Variants in STAU2 observed in about 807,000 individuals in gnomAD.
The protein encoded by STAU2 is staufen double-stranded RNA binding protein 2, also known as double-stranded RNA-binding protein Staufen homolog 2.
Under a neutral mutation model 65.9 loss-of-function variants are expected in STAU2, and 20 were observed. The ratio of observed to expected loss-of-function variants is 0.30; its 90% CI spans 0.21 to 0.44. The LOEUF (loss-of-function observed/expected upper bound fraction) is 0.44, where lower values mean the gene tolerates loss of function less well. Among genes scored for constraint, STAU2 ranks in the 20% least tolerant of loss-of-function variants. The pLI is 1.00. For synonymous variants in STAU2, 232 were observed against 233.9 expected (o/e 0.99, Z 0.07); for missense variants, 558 against 683.9 (o/e 0.82, Z 2.05).
At chr8:73,439,238 C>T (rs537885161) in intron 13 of STAU2, 63 of 351,574 alleles carry the variant, frequency 1.8e-4, no homozygotes, top group South Asian at 1.3e-3. Flanking sequence ...AGGAGCTGCT[C>T]CAGCACCCGC....
chr8:73,582,101 G>A (rs903803380), intron 12 of STAU2, among the ~76,000 whole-genome samples: 3 of 151,992 alleles, frequency 2.0e-5, no homozygotes, highest in East Asian at 3.8e-4. Context: ...ATGTCTAAAC[G>A]TCCAATGTAA....
At chr8:73,744,263 A>G (rs972300259) in intron 1 of STAU2, among the ~76,000 whole-genome samples, 1 of 152,164 alleles carries the variant, frequency 6.6e-6, no homozygotes, top group Non-Finnish European at 1.5e-5. Context: ...TACTGATTCT[A>G]GACATCTAGT....
At chr8:73,616,784 C>T (rs1045646928) in intron 7 of STAU2, among the ~76,000 whole-genome samples, 3 of 147,952 alleles carry the variant, frequency 2.0e-5, no homozygotes, top group Non-Finnish European at 3.0e-5. Context: ...GGCAACAGAG[C>T]GAGGCTCCAT....
chr8:73,559,696 G>A (rs1236351994), intron 12 of STAU2, among the ~76,000 whole-genome samples: 1 of 152,184 alleles, frequency 6.6e-6, no homozygotes, highest in Non-Finnish European at 1.5e-5. Flanking sequence ...TTAGCTACTA[G>A]ACTGATGTGA....
intron 12 of STAU2, among the ~76,000 whole-genome samples, chr8:73,575,139 AAAAAG>A (rs1431810071): frequency 6.6e-6 from 1 of 151,610 alleles, no homozygotes; most frequent in Admixed American, 6.6e-5. Context: ...AAAAAAAAAA[AAAAAG>A]AGAGAAAAAG....
chr8:73,679,587 A>C (rs1051469756), intron 5 of STAU2, among the ~76,000 whole-genome samples: 22 of 152,174 alleles, frequency 1.4e-4, no homozygotes, highest in African/African-American at 5.3e-4. Context: ...GAAATATAAA[A>C]GTAGAAGAAG....
chr8:73,686,985 C>T (rs1818886697), intron 5 of STAU2, among the ~76,000 whole-genome samples: 1 of 149,630 alleles, frequency 6.7e-6, no homozygotes, highest in African/African-American at 2.5e-5. Context: ...CTCCGCCTGC[C>T]AGGTTCAAGC....
At chr8:73,740,361 TATTA>T (rs996386723) in intron 1 of STAU2, among the ~76,000 whole-genome samples, 8 of 152,246 alleles carry the variant, frequency 5.3e-5, no homozygotes, top group Non-Finnish European at 1.0e-4. Flanking sequence ...GTGCTTTAGG[TATTA>T]ATTAATATTT....
chr8:73,452,388 C>T (rs907182785), intron 13 of STAU2, among the ~76,000 whole-genome samples: 4 of 152,204 alleles, frequency 2.6e-5, no homozygotes, highest in African/African-American at 9.6e-5. Flanking sequence ...CCACCCAGTG[C>T]TGGAGAAGCC....
At chr8:73,654,382 T>C (rs982493510) in intron 6 of STAU2, among the ~76,000 whole-genome samples, 2 of 152,016 alleles carry the variant, frequency 1.3e-5, no homozygotes, top group Non-Finnish European at 2.9e-5. Context: ...CCAGGCACAC[T>C]GGCTGACCCC....
chr8:73,444,839 T>C (rs1282534631), intron 13 of STAU2, among the ~76,000 whole-genome samples: 1 of 152,198 alleles, frequency 6.6e-6, no homozygotes, highest in African/African-American at 2.4e-5. Flanking sequence ...CTCCTCAAGA[T>C]GGCTTCCCTG....
intron 6 of STAU2, among the ~76,000 whole-genome samples, chr8:73,623,345 A>G (rs1413660639): frequency 1.3e-5 from 2 of 152,192 alleles, no homozygotes; most frequent in Admixed American, 6.5e-5. Context: ...TCATTTTTAC[A>G]AGGTGAGAAA....
chr8:73,694,270 TATAAC>T (rs1819551017), intron 4 of STAU2, among the ~76,000 whole-genome samples: 1 of 152,204 alleles, frequency 6.6e-6, no homozygotes, highest in Admixed American at 6.5e-5. Flanking sequence ...CAAAAACTGA[TATAAC>T]AAGCAAAAAA....
intron 3 of STAU2, among the ~76,000 whole-genome samples, chr8:73,723,365 A>G (rs1821816299): frequency 6.6e-6 from 1 of 152,250 alleles, no homozygotes; most frequent in Non-Finnish European, 1.5e-5. Flanking sequence ...AGGACCTGCT[A>G]TACCTTGGTG....
chr8:73,512,773 G>C (rs1169517116), intron 13 of STAU2, among the ~76,000 whole-genome samples: 2 of 152,118 alleles, frequency 1.3e-5, no homozygotes, highest in African/African-American at 4.8e-5. Context: ...TGAAGTTTAT[G>C]GGTGTGGGTT....
At chr8:73,556,700 T>G (rs1170143335) in intron 12 of STAU2, among the ~76,000 whole-genome samples, 1 of 151,996 alleles carries the variant, frequency 6.6e-6, no homozygotes, top group South Asian at 2.1e-4. Flanking sequence ...GAGGTTCCAG[T>G]GAGCCAAGAT....
At chr8:73,691,264 A>C (rs1470606902) in intron 4 of STAU2, among the ~76,000 whole-genome samples, 1 of 152,154 alleles carries the variant, frequency 6.6e-6, no homozygotes. Flanking sequence ...AAAATGTTTA[A>C]TCCATTATCT....
intron 13 of STAU2, among the ~76,000 whole-genome samples, chr8:73,491,523 G>A (rs1821154370): frequency 6.6e-6 from 1 of 151,886 alleles, no homozygotes. Flanking sequence ...TATTTAGGAA[G>A]GCACAGCATG....
intron 12 of STAU2, among the ~76,000 whole-genome samples, chr8:73,577,595 T>C (rs1293957394): frequency 1.3e-5 from 2 of 152,130 alleles, no homozygotes; most frequent in Non-Finnish European, 2.9e-5. Flanking sequence ...GGAAAACTAA[T>C]CTATTTTTCC....
Sources: gnomAD v4.1 joint callset for allele counts (sites outside exome capture counted in the v4.1 genomes callset) on GRCh38, gnomAD v4.1.1 for gene constraint, MANE v1.5 for transcripts, NCBI Gene and HGNC (gene_info 2026-07-23, HGNC 2026-07-21) for gene names.